Variants in COL23A1 observed in about 807,000 individuals in gnomAD.
The protein encoded by COL23A1 is collagen alpha-1(XXIII) chain.
Under a neutral mutation model 99.3 loss-of-function variants are expected in COL23A1, and 97 were observed. That is an observed-to-expected ratio of 0.98 (90% confidence interval 0.83 to 1.16). COL23A1 has a LOEUF of 1.16. COL23A1 is among the 50% of genes most tolerant of loss of function. The pLI is 0.00. For synonymous variants in COL23A1, 320 were observed against 308.2 expected (o/e 1.04, Z -0.40); for missense variants, 762 against 757.4 (o/e 1.01, Z -0.07).
chr5:178,467,485 T>A (rs1756482210), intron 2 of COL23A1, among the ~76,000 whole-genome samples: 1 of 152,224 alleles, frequency 6.6e-6, no homozygotes. Context: ...GCAGTTTGTG[T>A]AGAGTGCAAT....
At chr5:178,390,803 TG>T (rs5873610) in intron 2 of COL23A1, among the ~76,000 whole-genome samples, 82 of 152,358 alleles carry the variant, frequency 5.4e-4, no homozygotes, top group African/African-American at 1.9e-3. Flanking sequence ...CAGACTTACA[TG>T]TAAGACTTAA....
At chr5:178,295,803 T>A (rs1165250428) in intron 3 of COL23A1, among the ~76,000 whole-genome samples, 1 of 152,264 alleles carries the variant, frequency 6.6e-6, no homozygotes, top group Non-Finnish European at 1.5e-5. Context: ...TAATGTTCTG[T>A]AAGTTCTGAT....
intron 2 of COL23A1, among the ~76,000 whole-genome samples, chr5:178,481,131 C>CAAAAAAAAAAAAAAAA (rs10625763): frequency 6.8e-5 from 7 of 102,266 alleles, no homozygotes; most frequent in Non-Finnish European, 7.8e-5. Context: ...GACTGTCTCT[C>CAAAAAAAAAAAAAAAA]AAAAAAAAAA....
chr5:178,551,266 T>C (rs1056878104), intron 2 of COL23A1, among the ~76,000 whole-genome samples: 1 of 90,894 alleles, frequency 1.1e-5, no homozygotes, highest in Non-Finnish European at 2.7e-5. Context: ...ATGGGCTCCA[T>C]CTAGTGGTCA....
intron 2 of COL23A1, among the ~76,000 whole-genome samples, chr5:178,513,898 T>C (rs634839): frequency 0.66 from 100,175 of 151,870 alleles, 34,302 homozygotes; most frequent in East Asian, 0.88. Flanking sequence ...GTAACATATA[T>C]GTAAGATTAA....
At chr5:178,537,264 C>T (rs942052912) in intron 2 of COL23A1, among the ~76,000 whole-genome samples, 1 of 152,154 alleles carries the variant, frequency 6.6e-6, no homozygotes, top group African/African-American at 2.4e-5. Flanking sequence ...CCTGCGAGGC[C>T]CCCTCCCTGC....
In COL23A1 at chr5:178,468,607, C is replaced by A. The variant is rs533820256; in HGVS notation, c.361+92075G>T. On this transcript the variant is annotated intron_variant, in intron 2 of 28. Transcript: ENST00000390654. The surrounding 1 kb of genome is among the most constrained non-coding windows in gnomAD (Gnocchi z 4.2). Reference sequence around the variant, plus strand: ...CACACGCAGAGCAGCTTCCCCTCCCCTCGAGTCCCCCCAGGCAGCCTGGAG... The same window carrying A: ...CACACGCAGAGCAGCTTCCCCTCCCATCGAGTCCCCCCAGGCAGCCTGGAG... Among the ~76,000 whole-genome samples the A allele has an allele frequency of 3.3e-5, 5 of 150,524 alleles. No homozygotes were observed. In the South Asian group the frequency reaches 1.1e-3, roughly 32 times the overall value.
In COL23A1 at chr5:178,313,828, G is replaced by A. The variant is rs1369488276; in HGVS notation, c.362-6909C>T. 6.6e-6 allele frequency among the ~76,000 whole-genome samples: 1 copy of A among 152,176 alleles called. No homozygotes were observed. The highest frequency in any genetic ancestry group is 2.4e-5 in the African/African-American group (1 of 41,442). ...GATTGCTGGGGCTTCAGGGCCATCAGGGGGTGCACCTTGAGCAGAGAAGGC... is the reference window on the plus strand; with the variant it reads ...GATTGCTGGGGCTTCAGGGCCATCAAGGGGTGCACCTTGAGCAGAGAAGGC... On this transcript the variant is annotated intron_variant, in intron 2 of 28. Coordinates refer to ENST00000390654, the MANE Select transcript of COL23A1 (RefSeq NM_173465.4). The surrounding 1 kb of genome is among the most constrained non-coding windows in gnomAD (Gnocchi z 4.2).
At chr5:178,405,177 CTG>C (rs771909928) in intron 2 of COL23A1, among the ~76,000 whole-genome samples, 1 of 152,242 alleles carries the variant, frequency 6.6e-6, no homozygotes, top group Non-Finnish European at 1.5e-5. Flanking sequence ...GTGTCTGGTT[CTG>C]TGTTTGCTCT....
At chr5:178,547,523 AC>A in intron 2 of COL23A1, among the ~76,000 whole-genome samples, 1 of 72,828 alleles carries the variant, frequency 1.4e-5, no homozygotes, top group Non-Finnish European at 2.7e-5. Context: ...ACACCCACAC[AC>A]TCACACCCAC....
At chr5:178,471,015 T>G (rs1418006962) in intron 2 of COL23A1, among the ~76,000 whole-genome samples, 1 of 152,202 alleles carries the variant, frequency 6.6e-6, no homozygotes, top group African/African-American at 2.4e-5. Context: ...GTGCACGAAG[T>G]GGTTCTGAAA....
intron 1 of COL23A1, among the ~76,000 whole-genome samples, chr5:178,566,497 G>A (rs774632410): frequency 5.3e-4 from 80 of 152,302 alleles, no homozygotes; most frequent in Admixed American, 1.2e-3. Flanking sequence ...CCTAAGTAAC[G>A]TTGCAAAATG....
chr5:178,512,831 T>C (rs1156645790), intron 2 of COL23A1, among the ~76,000 whole-genome samples: 2 of 152,196 alleles, frequency 1.3e-5, no homozygotes, highest in Non-Finnish European at 2.9e-5. Flanking sequence ...AGGACTGACA[T>C]CCACTCCATG....
At chr5:178,291,772 T>C (rs76866266) in intron 3 of COL23A1, among the ~76,000 whole-genome samples, 1,882 of 151,706 alleles carry the variant, frequency 0.012, 37 homozygotes, top group African/African-American at 0.043. Flanking sequence ...CAGAAGATGT[T>C]GGTCAGGGGA....
intron 2 of COL23A1, among the ~76,000 whole-genome samples, chr5:178,342,915 G>C (rs974512000): frequency 2.6e-5 from 4 of 152,182 alleles, no homozygotes; most frequent in African/African-American, 9.7e-5. Context: ...AAAGTCCCCA[G>C]AGAGCAGAGA....
At chr5:178,522,286 C>T (rs1759989474) in intron 2 of COL23A1, among the ~76,000 whole-genome samples, 1 of 152,146 alleles carries the variant, frequency 6.6e-6, no homozygotes, top group Non-Finnish European at 1.5e-5. Context: ...GAAAAACTAA[C>T]CAGGCGAGTT....
rs1757694599 is a variant in COL23A1 at position 178,487,369 on chromosome 5, G to T, written c.361+73313C>A. Among the ~76,000 whole-genome samples the T allele has an allele frequency of 6.6e-5, 10 of 151,412 alleles. No individual in the cohort carries two copies. In the South Asian group the frequency reaches 2.1e-3, roughly 32 times the overall value. On this transcript the variant is annotated intron_variant, in intron 2 of 28. Coordinates refer to ENST00000390654, the MANE Select transcript of COL23A1 (RefSeq NM_173465.4). ...AGTTTCGCTCTTGTTGCCCAGGCTG[G>T]AGTACAGTGGTGTGATCGCAGCTCA...
At chr5:178,256,538 G>A (rs1187254541) in intron 14 of COL23A1, 141 bp from the exon 15 acceptor site, 7 of 728,718 alleles carry the variant, frequency 9.6e-6, no homozygotes, top group Non-Finnish European at 1.5e-5. Flanking sequence ...TATGAGAACA[G>A]CACTCCAGGA....
intron 2 of COL23A1, among the ~76,000 whole-genome samples, chr5:178,553,828 G>A (rs1276946204): frequency 1.3e-5 from 2 of 152,154 alleles, no homozygotes; most frequent in Non-Finnish European, 2.9e-5. Flanking sequence ...TTCCCCTCCT[G>A]AAGATTCCCA....
Sources: gnomAD v4.1 joint callset for allele counts (sites outside exome capture counted in the v4.1 genomes callset) on GRCh38, gnomAD v4.1.1 for gene constraint, Gnocchi (gnomAD v3.1) non-coding constraint, MANE v1.5 for transcripts, NCBI Gene and HGNC (gene_info 2026-07-23, HGNC 2026-07-21) for gene names.